The following CNBD1 variants were observed in gnomAD, a reference collection of about 807,000 sequenced individuals.
The protein encoded by CNBD1 is cyclic nucleotide-binding domain-containing protein 1.
In CNBD1, 71 loss-of-function variants were observed where a neutral mutation model predicts 54.4. The ratio of observed to expected loss-of-function variants is 1.30; its 90% CI spans 1.08 to 1.59. The LOEUF is 1.59. Ranked by LOEUF, CNBD1 falls within the 40% of genes most tolerant of loss-of-function variation. CNBD1 has a pLI of 0.00. For synonymous variants in CNBD1, 182 were observed against 170.7 expected (o/e 1.07, Z -0.51); for missense variants, 659 against 518.0 (o/e 1.27, Z -2.64).
chr8:87,197,845 A>G (rs1813753513), intron 4 of CNBD1, among the ~76,000 whole-genome samples: 1 of 152,112 alleles, frequency 6.6e-6, no homozygotes, highest in African/African-American at 2.4e-5. Context: ...TCCCTCCCTC[A>G]GGTTTCATGT....
intron 6 of CNBD1, among the ~76,000 whole-genome samples, chr8:87,272,753 T>C (rs1239658901): frequency 6.6e-6 from 1 of 152,004 alleles, no homozygotes; most frequent in East Asian, 1.9e-4. Context: ...TGGTGAGCAG[T>C]TGTGTATGAA....
At chr8:87,344,139 C>G (rs1810122545) in intron 8 of CNBD1, among the ~76,000 whole-genome samples, 1 of 151,902 alleles carries the variant, frequency 6.6e-6, no homozygotes, top group African/African-American at 2.4e-5. Flanking sequence ...TCTGTACAAA[C>G]AGGAAAAATA....
chr8:87,159,395 A>G (rs562957697), intron 4 of CNBD1, among the ~76,000 whole-genome samples: 1 of 152,128 alleles, frequency 6.6e-6, no homozygotes, highest in African/African-American at 2.4e-5. Context: ...GCTCTTATGG[A>G]AGGTAAAATT....
At chr8:87,328,948 T>C (rs1809752876) in intron 8 of CNBD1, among the ~76,000 whole-genome samples, 1 of 152,162 alleles carries the variant, frequency 6.6e-6, no homozygotes, top group South Asian at 2.1e-4. Context: ...ATGCTTTTCT[T>C]TTTGTATAGT....
At chr8:86,910,842 CG>C (rs1183552429) in intron 3 of CNBD1, among the ~76,000 whole-genome samples, 1 of 152,148 alleles carries the variant, frequency 6.6e-6, no homozygotes, top group Non-Finnish European at 1.5e-5. Flanking sequence ...TGCAGAGAGA[CG>C]GGGTCCCAAG....
In CNBD1 at chr8:87,410,248, C is replaced by CT. The variant is rs199900009; in HGVS notation, c.214-18298_214-18297insT. 2.0e-3 allele frequency among the ~76,000 whole-genome samples: 297 copies of CT among 152,102 alleles called. 3 individuals carry two copies. In the East Asian group the frequency reaches 0.05, roughly 25 times the overall value. ...CTACCACAACATTTATTCTATAGCC[C>CT]AAGGATTGAAAAGTAATTTCGATTT... On this transcript the variant is annotated intron_variant, in intron 2 of 7. Transcript: ENST00000521593.
At chr8:87,373,411 C>T (rs571273660) in intron 10 of CNBD1, among the ~76,000 whole-genome samples, 1 of 151,772 alleles carries the variant, frequency 6.6e-6, no homozygotes, top group Non-Finnish European at 1.5e-5. Flanking sequence ...TATCACAAAC[C>T]CTTGCTGCAT....
intron 6 of CNBD1, among the ~76,000 whole-genome samples, chr8:87,245,829 T>G (rs1399564868): frequency 6.6e-6 from 1 of 152,032 alleles, no homozygotes; most frequent in African/African-American, 2.4e-5. Context: ...ATTGTTGATA[T>G]TCTCACTTTA....
intron 4 of CNBD1, among the ~76,000 whole-genome samples, chr8:87,029,254 T>C (rs1809726238): frequency 6.6e-6 from 1 of 152,146 alleles, no homozygotes; most frequent in Non-Finnish European, 1.5e-5. Flanking sequence ...CAGACCAATA[T>C]ACGTGAAAAG....
At chr8:87,397,831 C>A (rs1456214777) in intron 2 of CNBD1, among the ~76,000 whole-genome samples, 1 of 151,936 alleles carries the variant, frequency 6.6e-6, no homozygotes, top group Non-Finnish European at 1.5e-5. Context: ...GGGGGCAGGT[C>A]TTTCCCATGT....
At chr8:86,866,604 T>C (rs2131757927) in intron 1 of CNBD1, 21 bp downstream of exon 1, 1 of 1,552,494 alleles carries the variant, frequency 6.4e-7, no homozygotes, top group East Asian at 2.3e-5. Flanking sequence ...AATACTTTGA[T>C]GCTCTTATTC....
intron 4 of CNBD1, among the ~76,000 whole-genome samples, 187 bp from the exon 5 acceptor site, chr8:87,205,806 T>A (rs1269774305): frequency 6.6e-6 from 1 of 152,150 alleles, no homozygotes; most frequent in Non-Finnish European, 1.5e-5. Context: ...AAGCGCATCT[T>A]AATGTCGGAA....
intron 8 of CNBD1, among the ~76,000 whole-genome samples, chr8:87,300,721 C>T (rs1808971091): frequency 6.6e-6 from 1 of 151,954 alleles, no homozygotes; most frequent in East Asian, 1.9e-4. Flanking sequence ...CACATATACA[C>T]ACACATTCTA....
At chr8:87,089,750 T>TC (rs1484510478) in intron 4 of CNBD1, among the ~76,000 whole-genome samples, 5 of 152,108 alleles carry the variant, frequency 3.3e-5, no homozygotes, top group African/African-American at 1.2e-4. Context: ...TACTTTTTTT[T>TC]CTCAAAGAAT....
chr8:86,978,745 G>C (rs1031183899), intron 4 of CNBD1, among the ~76,000 whole-genome samples: 1 of 151,608 alleles, frequency 6.6e-6, no homozygotes, highest in African/African-American at 2.4e-5. Context: ...GTTTCTCCAT[G>C]TTGGTCTCGA....
chr8:87,125,201 T>A (rs114002873), intron 4 of CNBD1, among the ~76,000 whole-genome samples: 1,807 of 151,756 alleles, frequency 0.012, 49 homozygotes, highest in African/African-American at 0.041. Flanking sequence ...ATTGTGAAAA[T>A]GTCTGTACTA....
chr8:87,197,400 A>C (rs938957242), intron 4 of CNBD1, among the ~76,000 whole-genome samples: 7 of 152,198 alleles, frequency 4.6e-5, no homozygotes, highest in African/African-American at 7.2e-5. Context: ...TGATACACAC[A>C]GGGGTGTATG....
chr8:87,052,844 C>A (rs771857287), intron 4 of CNBD1, among the ~76,000 whole-genome samples: 5 of 152,180 alleles, frequency 3.3e-5, no homozygotes, highest in Non-Finnish European at 5.9e-5. Context: ...CATCAGAGAA[C>A]CTTCCCAGGT....
chr8:87,321,708 G>A (rs1419142981), intron 8 of CNBD1, among the ~76,000 whole-genome samples: 5 of 151,300 alleles, frequency 3.3e-5, no homozygotes, highest in Admixed American at 1.3e-4. Flanking sequence ...AATCTCATTT[G>A]TCTATTTTTG....
Sources: allele counts gnomAD v4.1 joint callset (sites outside exome capture counted in the v4.1 genomes callset), GRCh38; gene constraint gnomAD v4.1.1; transcripts MANE v1.5; gene names NCBI Gene and HGNC (gene_info 2026-07-23, HGNC 2026-07-21).